Variants in KCNH7 observed in about 807,000 individuals in gnomAD.
KCNH7 encodes potassium voltage-gated channel subfamily H member 7.
In KCNH7, 49 loss-of-function variants were observed where a neutral mutation model predicts 120.8. The ratio of observed to expected loss-of-function variants is 0.41; its 90% CI spans 0.32 to 0.51. The LOEUF is 0.51. Ranked by LOEUF, KCNH7 falls within the 20% of genes least tolerant of loss-of-function variation. The probability of loss-of-function intolerance (pLI) is 0.38; values close to 1 mark genes in which losing one functional copy is unlikely to be tolerated. For synonymous variants in KCNH7, 547 were observed against 516.1 expected (o/e 1.06, Z -0.81); for missense variants, 1,097 against 1,446.6 (o/e 0.76, Z 3.92).
chr2:162,778,644 A>G (rs1188410094), intron 2 of KCNH7, among the ~76,000 whole-genome samples: 1 of 137,182 alleles, frequency 7.3e-6, no homozygotes, highest in East Asian at 2.2e-4. Flanking sequence ...TGCAATAAAT[A>G]TCAAAAGTAT....
intron 6 of KCNH7, among the ~76,000 whole-genome samples, chr2:162,485,996 G>C (rs558585926): frequency 6.6e-6 from 1 of 152,190 alleles, no homozygotes; most frequent in Non-Finnish European, 1.5e-5. Context: ...ACAGAAATTT[G>C]TCAGCTTGAC....
At chr2:162,684,310 C>T (rs974070427) in intron 2 of KCNH7, among the ~76,000 whole-genome samples, 3 of 152,058 alleles carry the variant, frequency 2.0e-5, no homozygotes, top group Non-Finnish European at 4.4e-5. Flanking sequence ...ATGACTAAAG[C>T]ATCAAAAGCA....
intron 2 of KCNH7, among the ~76,000 whole-genome samples, chr2:162,764,813 T>C (rs1408230011): frequency 1.3e-5 from 2 of 152,212 alleles, no homozygotes; most frequent in African/African-American, 4.8e-5. Flanking sequence ...GATATTTTAG[T>C]ATGTTATGAA....
intron 2 of KCNH7, among the ~76,000 whole-genome samples, chr2:162,765,145 A>AC (rs1299339786): frequency 1.3e-5 from 2 of 152,118 alleles, no homozygotes; most frequent in African/African-American, 4.8e-5. Context: ...TTCAACATAA[A>AC]CCTACTCTTC....
intron 4 of KCNH7, among the ~76,000 whole-genome samples, chr2:162,514,880 A>T (rs1255042096): frequency 6.6e-6 from 1 of 151,734 alleles, no homozygotes; most frequent in African/African-American, 2.4e-5. Flanking sequence ...TTCTGTGAAG[A>T]TAGCCTGTAC....
At chr2:162,698,855 C>T (rs1260461982) in intron 2 of KCNH7, among the ~76,000 whole-genome samples, 1 of 151,998 alleles carries the variant, frequency 6.6e-6, no homozygotes, top group Non-Finnish European at 1.5e-5. Context: ...TTATTATTTT[C>T]TCAAGTTTAT....
At chr2:162,581,219 G>A (rs935637540) in intron 2 of KCNH7, among the ~76,000 whole-genome samples, 4 of 151,974 alleles carry the variant, frequency 2.6e-5, no homozygotes, top group Admixed American at 6.6e-5. Context: ...TTCTTTATTC[G>A]TGACAGACTG....
chr2:162,469,854 G>A (rs34014704), intron 6 of KCNH7, among the ~76,000 whole-genome samples: 25,246 of 152,120 alleles, frequency 0.17, 2,195 homozygotes, highest in East Asian at 0.27. Context: ...TTGCAGGCGC[G>A]CGCCGCCACG....
chr2:162,479,653 G>C (rs977489997), intron 6 of KCNH7, among the ~76,000 whole-genome samples: 1 of 144,640 alleles, frequency 6.9e-6, no homozygotes, highest in African/African-American at 2.7e-5. Flanking sequence ...GATACATTAG[G>C]AAATTGTGTG....
chr2:162,822,204 G>C (rs1553535148), intron 2 of KCNH7, among the ~76,000 whole-genome samples: 1 of 151,392 alleles, frequency 6.6e-6, no homozygotes, highest in Non-Finnish European at 1.5e-5. Context: ...AGCCACAGAT[G>C]TGGGTGCAAA....
chr2:162,396,542 C>A (rs1174556370), intron 11 of KCNH7, among the ~76,000 whole-genome samples, 198 bp downstream of exon 11: 1 of 151,784 alleles, frequency 6.6e-6, no homozygotes. Flanking sequence ...AATTATTCAA[C>A]GTATTGGAAA....
chr2:162,727,980 C>CAT (rs958012140), intron 2 of KCNH7, among the ~76,000 whole-genome samples: 18 of 152,122 alleles, frequency 1.2e-4, no homozygotes, highest in East Asian at 3.9e-4. Context: ...ATTGAATGTG[C>CAT]ATATATATAT....
intron 6 of KCNH7, among the ~76,000 whole-genome samples, chr2:162,477,800 C>T (rs750185692): frequency 6.7e-6 from 1 of 149,498 alleles, no homozygotes; most frequent in African/African-American, 2.5e-5. Flanking sequence ...TTCTATATAG[C>T]CTTCTGCCCA....
chr2:162,384,557 G>T, intron 13 of KCNH7, 131 bp downstream of exon 13: 1 of 897,894 alleles, frequency 1.1e-6, no homozygotes. Flanking sequence ...AAATCTGAAC[G>T]CTTCGCGAAC....
At chr2:162,563,360 A>C (rs1693139249) in intron 2 of KCNH7, among the ~76,000 whole-genome samples, 1 of 152,208 alleles carries the variant, frequency 6.6e-6, no homozygotes, top group African/African-American at 2.4e-5. Context: ...GTTACATTTT[A>C]ATTACTTTAC....
chr2:162,374,394 G>GA (rs993833555), intron 14 of KCNH7, among the ~76,000 whole-genome samples: 4 of 152,176 alleles, frequency 2.6e-5, no homozygotes, highest in Non-Finnish European at 5.9e-5. Context: ...AAATTTAAGG[G>GA]AAAATAGCAA....
chr2:162,529,755 G>A (rs1691850580), intron 3 of KCNH7, among the ~76,000 whole-genome samples: 1 of 151,756 alleles, frequency 6.6e-6, no homozygotes, highest in Non-Finnish European at 1.5e-5. Flanking sequence ...TCCTTTAAAT[G>A]TGGCCCCTTA....
intron 2 of KCNH7, among the ~76,000 whole-genome samples, chr2:162,545,538 A>C (rs770687425): frequency 2.6e-5 from 4 of 152,186 alleles, no homozygotes; most frequent in Non-Finnish European, 4.4e-5. Flanking sequence ...ACTGTCACCT[A>C]TTTGATATAT....
intron 3 of KCNH7, among the ~76,000 whole-genome samples, chr2:162,534,650 C>CT (rs1692045838): frequency 6.6e-6 from 1 of 151,598 alleles, no homozygotes; most frequent in African/African-American, 2.4e-5. Context: ...ACCTCGATGA[C>CT]TTTACAGGGG....
Sources: allele counts gnomAD v4.1 joint callset (sites outside exome capture counted in the v4.1 genomes callset), GRCh38; gene constraint gnomAD v4.1.1; transcripts MANE v1.5; gene names NCBI Gene and HGNC (gene_info 2026-07-23, HGNC 2026-07-21).